The following TMPRSS9 variants were observed in gnomAD, a reference collection of about 807,000 sequenced individuals.
TMPRSS9 encodes the protein transmembrane serine protease 9, also known as transmembrane protease serine 9.
In TMPRSS9, 113 loss-of-function variants were observed where a neutral mutation model predicts 111.4. That is an observed-to-expected ratio of 1.01 (90% CI 0.87 to 1.19). TMPRSS9 has a LOEUF of 1.19. Ranked by LOEUF, TMPRSS9 falls within the 50% of genes most tolerant of loss-of-function variation. TMPRSS9 has a pLI of 0.00. For missense variants in TMPRSS9, 1,803 were observed against 1,513.1 expected (o/e 1.19, Z -3.18); for synonymous variants, 805 against 659.1 (o/e 1.22, Z -3.39).
intron 4 of TMPRSS9, 118 bp from the exon 6 acceptor site, chr19:2,401,857 C>G (rs1355742683): frequency 1.6e-6 from 1 of 642,640 alleles, no homozygotes; most frequent in African/African-American, 2.0e-5. Context: ...ATCCACCCGC[C>G]TCAGCCTCCC....
chr19:2,390,032 A>G, intron 1 of TMPRSS9, 105 bp downstream of exon 2: 1 of 1,455,682 alleles, frequency 6.9e-7, no homozygotes, highest in Non-Finnish European at 9.4e-7. Flanking sequence ...ATCAAAGGGC[A>G]GTGTCTAGGC....
At chr19:2,388,286 G>A (rs1274417390), upstream of TMPRSS9, among the ~76,000 whole-genome samples, 1 of 151,862 alleles carries the variant, frequency 6.6e-6, no homozygotes, top group East Asian at 2.0e-4. Context: ...ACTAGGAGGC[G>A]GAGGTGGGAG....
At chr19:2,416,125 G>C (rs1423821901) in intron 11 of TMPRSS9, 1 of 440,252 alleles carries the variant, frequency 2.3e-6, no homozygotes, top group Admixed American at 4.0e-5. Context: ...TGTGGTCCCA[G>C]CTACTCAGGA....
intron 1 of TMPRSS9, among the ~76,000 whole-genome samples, chr19:2,372,168 T>C (rs982514583): frequency 6.6e-6 from 1 of 152,202 alleles, no homozygotes; most frequent in South Asian, 2.1e-4. Context: ...TTCTTTTTTC[T>C]TCCCTGTATC....
At chr19:2,385,382 G>A (rs991995961), upstream of TMPRSS9, among the ~76,000 whole-genome samples, 5 of 152,214 alleles carry the variant, frequency 3.3e-5, no homozygotes, top group African/African-American at 9.7e-5. Context: ...CGGAAAATGG[G>A]TGGATCCCCT....
chr19:2,426,093 C>A (rs775579740), exon 18 of TMPRSS9: 4 of 1,557,570 alleles, frequency 2.6e-6, no homozygotes, highest in Admixed American at 1.8e-5. Flanking sequence ...GAGTGACCAC[C>A]ACGTGACTGC....
intron 1 of TMPRSS9, 104 bp from the exon 3 acceptor site, chr19:2,396,435 A>C: frequency 2.2e-6 from 3 of 1,384,496 alleles, no homozygotes; most frequent in Non-Finnish European, 2.9e-6. Context: ...AGGAGTGACC[A>C]CCAGGGTGTG....
chr19:2,426,260 T>C, downstream of TMPRSS9: 3 of 348,374 alleles, frequency 8.6e-6, no homozygotes, highest in Non-Finnish European at 4.2e-6. Context: ...CCCTCCACCC[T>C]AGCTCACTGG....
Position 2,425,527 on chromosome 19 carries a change from C to T in TMPRSS9, c.3120+34C>T, listed in dbSNP as rs545761539. The T allele has an allele frequency of 1.3e-5, 19 of 1,503,698 alleles. 1 individual carries two copies. In the African/African-American group the frequency reaches 1.7e-4, roughly 13 times the overall value. 93.1% of individuals were successfully genotyped at this position (1,503,698 alleles called of 1,614,324 possible). A position where few individuals can be genotyped will look rare whatever the true frequency, so the allele number is the denominator to read the frequency against. ...CGCCCCGGCCCAGGGGACCAGGTCC[C>T]GCCCAGCCGCCGGGGAGGGCGGGTT... On this transcript the variant is annotated intron_variant, in intron 17 of 17. Coordinates refer to ENST00000648592, the Ensembl canonical transcript of TMPRSS9.
At chr19:2,386,608 G>A (rs189312535), upstream of TMPRSS9, among the ~76,000 whole-genome samples, 99 of 152,302 alleles carry the variant, frequency 6.5e-4, 2 homozygotes, top group African/African-American at 2.3e-3. Context: ...CGAGAACATA[G>A]TTGTGTCTAA....
chr19:2,364,589 A>T (rs1970232984), intron 1 of TMPRSS9, among the ~76,000 whole-genome samples: 1 of 151,928 alleles, frequency 6.6e-6, no homozygotes, highest in East Asian at 1.9e-4. Context: ...GAAAAAAAAA[A>T]TTGGGGGGGA....
At chr19:2,381,049 G>C (rs1970381577) in intron 1 of TMPRSS9, among the ~76,000 whole-genome samples, 1 of 151,996 alleles carries the variant, frequency 6.6e-6, no homozygotes, top group Non-Finnish European at 1.5e-5. Flanking sequence ...CTAGTTTTGA[G>C]CCATTCTTGT....
At chr19:2,414,252 T>TG in intron 10 of TMPRSS9, 2 of 460,118 alleles carry the variant, frequency 4.3e-6, no homozygotes, top group Admixed American at 3.7e-5. Context: ...ACTTTTTTTT[T>TG]TTTTTGAGAC....
chr19:2,418,361 CCCTT>C (rs1971328239), intron 13 of TMPRSS9, among the ~76,000 whole-genome samples: 1 of 41,126 alleles, frequency 2.4e-5, no homozygotes, highest in Non-Finnish European at 4.3e-5. Context: ...CTCCCTCCCT[CCCTT>C]CCCTTCCCTC....
intron 12 of TMPRSS9, 71 bp downstream of exon 13, chr19:2,416,880 G>A: frequency 1.3e-6 from 2 of 1,515,970 alleles, no homozygotes; most frequent in Non-Finnish European, 1.8e-6. Flanking sequence ...GGTCAGGATG[G>A]GCATCTCTTA....
intron 5 of TMPRSS9, 47 bp from the exon 7 acceptor site, chr19:2,403,035 A>C: frequency 3.5e-6 from 5 of 1,446,996 alleles, no homozygotes; most frequent in African/African-American, 1.4e-5. Context: ...TACTCCAACC[A>C]GGAGATGTAG....
exon 12 of TMPRSS9, chr19:2,416,736 C>T (rs767232500): frequency 6.2e-7 from 1 of 1,613,220 alleles, no homozygotes; most frequent in Non-Finnish European, 8.5e-7. Context: ...TCTGCCTGCC[C>T]CTGGCCATCC....
chr19:2,385,435 GC>G (rs1466057752), upstream of TMPRSS9, among the ~76,000 whole-genome samples: 1 of 152,178 alleles, frequency 6.6e-6, no homozygotes, highest in Non-Finnish European at 1.5e-5. Context: ...GATGAACGTT[GC>G]GGTGTTGCCG....
chr19:2,396,811 G>C, intron 2 of TMPRSS9, 145 bp downstream of exon 3: 2 of 1,238,710 alleles, frequency 1.6e-6, no homozygotes, highest in Non-Finnish European at 2.2e-6. Context: ...GCCAGGCCAG[G>C]GGGCGGGCAG....
Sources: gnomAD v4.1 joint callset for allele counts (sites outside exome capture counted in the v4.1 genomes callset) on GRCh38, gnomAD v4.1.1 for gene constraint, MANE v1.5 for transcripts, NCBI Gene and HGNC (gene_info 2026-07-23, HGNC 2026-07-21) for gene names.